Variants in SIX5 observed in about 807,000 individuals in gnomAD.
SIX5 encodes SIX homeobox 5, also known as homeobox protein SIX5.
Under a neutral mutation model 37.1 loss-of-function variants are expected in SIX5, and 21 were observed. That is an observed-to-expected ratio of 0.57 (90% confidence interval 0.40 to 0.81). The LOEUF is 0.81. Among genes scored for constraint, SIX5 ranks in the 40% least tolerant of loss-of-function variants. The pLI is 0.00. For synonymous variants in SIX5, 626 were observed against 505.9 expected, an observed-to-expected ratio of 1.24 and a Z score of -3.19; for missense variants, 1,137 against 1,025.1, an observed-to-expected ratio of 1.11 and a Z score of -1.49.
chr19:45,767,789 C>T (rs1385172256), intron 1 of SIX5: 2 of 569,882 alleles, frequency 3.5e-6, no homozygotes, highest in Non-Finnish European at 6.2e-6. Flanking sequence ...TTCCCCAACA[C>T]CGATGGGATT....
At chr19:45,766,144 A>G in intron 2 of SIX5, 33 bp from the exon 3 acceptor site, 1 of 1,600,190 alleles carries the variant, frequency 6.2e-7, no homozygotes, top group Non-Finnish European at 8.5e-7. Context: ...CGCAGGTGAG[A>G]GCCAGGAGAG....
Position 45,768,648 on chromosome 19 carries a change from G to C in SIX5, c.197C>G (p.Ser66Cys). The change falls in exon 1 of 3, where the codon TCC becomes TGC. Residue 66 changes from serine (S) to cysteine (C), a missense_variant. By Grantham distance (112) the Ser-to-Cys change is moderately radical. This residue lies in a region of SIX5 where 331 missense variants were observed against 360.9 expected (regional missense o/e 0.92). Transcript: ENST00000317578. ...AAAAGAEGPG[S>C]PGVPGSPPEA... Reference sequence around the variant, plus strand: ...GGGGGGCGACCCGGGGACGCCCGGGGATCCCGGGCCCTCAGCTCCCGCAGC... The same window carrying C: ...GGGGGGCGACCCGGGGACGCCCGGGCATCCCGGGCCCTCAGCTCCCGCAGC... 1 of 1,274,534 alleles carries C rather than the reference G, an allele frequency of 7.8e-7. No individual in the cohort carries two copies. The highest frequency in any genetic ancestry group is 9.8e-7 in the Non-Finnish European group (1 of 1,019,786). 79.0% of individuals were successfully genotyped at this position (1,274,534 alleles called of 1,614,324 possible). A position where few individuals can be genotyped will look rare whatever the true frequency, so the allele number is the denominator to read the frequency against.
chr19:45,765,408 C>T lies in SIX5; in HGVS notation c.*93G>A, dbSNP rs1404406763. On this transcript the variant is annotated 3_prime_UTR_variant, in exon 3 of 3. Coordinates refer to ENST00000317578, the MANE Select transcript of SIX5 (RefSeq NM_175875.5). Reference sequence around the variant, plus strand: ...GGCAGAAGGATGTGGTGACTGGGGTCTTCAGCAACCGCATTTCTGGGGCTC... The same window carrying T: ...GGCAGAAGGATGTGGTGACTGGGGTTTTCAGCAACCGCATTTCTGGGGCTC... 1.3e-6 allele frequency: 2 copies of T among 1,584,734 alleles called. No individual in the cohort carries two copies. Among genetic ancestry groups the T allele is most frequent in the East Asian group, 2.2e-5 (1 of 44,758 alleles).
rs1379164907 is a variant in SIX5, at chr19:45,768,192, G to A, written c.653C>T (p.Ala218Val). 5 of 1,613,150 alleles carry A rather than the reference G, an allele frequency of 3.1e-6. No homozygotes were observed. The highest frequency in any genetic ancestry group is 3.4e-6 in the Non-Finnish European group (4 of 1,179,804). ...GGGGTAGCGGTTGCCGCGGTAGCAG[G>A]CCTTGAGCGCTGCGCGGGAGCGCTC... ...FKERSRAALKACYRGNRYPTP... is the reference protein window; with the variant it reads ...FKERSRAALKVCYRGNRYPTP... Residue 218 changes from alanine to valine, a missense_variant, in exon 1 of 3, where the codon GCC (alanine) becomes GTC (valine). Physicochemically the swap from Ala to Val is moderately conservative, Grantham distance 64 (BLOSUM62 0). This residue lies in a region of SIX5 where 331 missense variants were observed against 360.9 expected (regional missense o/e 0.92). Coordinates refer to ENST00000317578, the MANE Select transcript of SIX5 (RefSeq NM_175875.5).
At position 45,765,467 on chromosome 19, in the gene SIX5, C is replaced by T; in HGVS notation, c.*34G>A. 1 of 1,612,846 alleles carries T rather than the reference C, an allele frequency of 6.2e-7. No homozygotes were observed. The highest frequency in any genetic ancestry group is 8.5e-7 in the Non-Finnish European group (1 of 1,179,992). On this transcript the variant is annotated 3_prime_UTR_variant, in exon 3 of 3. Coordinates refer to ENST00000317578, the MANE Select transcript of SIX5 (RefSeq NM_175875.5). ...CATTCCTGTCCCTGCGTCTTCAGCA[C>T]CAATGTCGGGAGAGGCCACGGGGCC...
At position 45,768,808 on chromosome 19, in the gene SIX5, C is replaced by G. The variant is rs1324622952; in HGVS notation, c.37G>C (p.Ala13Pro). ...TLPAEPSAGP[A>P]AGGEAVAAAA... ...GCCGCCACCGCCTCCCCCCCAGCCG[C>G]CGGCCCCGCGCTCGGCTCCGCAGGC... The change falls in exon 1 of 3, where the codon GCG becomes CCG. Residue 13 changes from alanine to proline, a missense_variant. Coordinates refer to ENST00000317578, the MANE Select transcript of SIX5 (RefSeq NM_175875.5). 1 of 1,528,934 alleles carries G rather than the reference C, an allele frequency of 6.5e-7. No individual in the cohort carries two copies. Among genetic ancestry groups the G allele is most frequent in the South Asian group, 1.2e-5 (1 of 83,290 alleles). 94.7% of individuals were successfully genotyped at this position (1,528,934 alleles called of 1,614,324 possible). A position where few individuals can be genotyped will look rare whatever the true frequency, so the allele number is the denominator to read the frequency against.
chr19:45,768,634 CG>C lies in SIX5; in HGVS notation c.210del (p.Ser72ArgfsTer36). On this transcript the variant is annotated frameshift_variant, in exon 1 of 3. Transcript: ENST00000317578. LOFTEE classifies it high-confidence loss of function. ...TCGGAAGCGGCCTCGGGGGGCGACC[CG>C]GGGACGCCCGGGGATCCCGGGCCCT... ...GAEGPGSPGV[P>X]GSPPEAASEP... The C allele has an allele frequency of 7.9e-7, 1 of 1,269,606 alleles. No individual in the cohort carries two copies. Among genetic ancestry groups the C allele is most frequent in the Non-Finnish European group, 9.8e-7 (1 of 1,015,854 alleles). The allele number at this position is 1,269,606 out of a possible 1,614,324, so 78.6% of individuals were successfully genotyped here.
intron 2 of SIX5, 58 bp from the exon 3 acceptor site, chr19:45,766,169 G>T (rs1372644034): frequency 1.3e-6 from 2 of 1,576,464 alleles, no homozygotes; most frequent in Non-Finnish European, 1.7e-6. Context: ...CCAAGCCAGA[G>T]AGAAGTGGAG....
rs961723919 is a variant in SIX5, at chr19:45,766,861, A to T, written c.1098T>A (p.Gly366=). Reference sequence around the variant, plus strand: ...GAGGGCTGGGCTGCGGTGGAGGGGCACCCCCGCCCCCAGTGAGCAGCAGCG... The same window carrying T: ...GAGGGCTGGGCTGCGGTGGAGGGGCTCCCCCGCCCCCAGTGAGCAGCAGCG... ...LGPLLLTGGG[G]APPPQPSPQG... Residue 366 remains glycine, a synonymous_variant, in exon 2 of 3, where the codon GGT becomes GGA. Transcript: ENST00000317578. 3 of 1,541,836 alleles carry T rather than the reference A, an allele frequency of 1.9e-6. No homozygotes were observed. The highest frequency in any genetic ancestry group is 2.6e-6 in the Non-Finnish European group (3 of 1,146,314).
At position 45,766,633 on chromosome 19, in the gene SIX5, CG is replaced by C; in HGVS notation, c.1325del (p.Pro442ArgfsTer25). 2 of 1,475,040 alleles carry C rather than the reference CG, an allele frequency of 1.4e-6. No homozygotes were observed. The highest frequency in any genetic ancestry group is 9.0e-7 in the Non-Finnish European group (1 of 1,110,646). 91.4% of individuals were successfully genotyped at this position (1,475,040 alleles called of 1,614,324 possible). On this transcript the variant is annotated frameshift_variant, in exon 2 of 3. Coordinates refer to ENST00000317578, the MANE Select transcript of SIX5 (RefSeq NM_175875.5). LOFTEE classifies it high-confidence loss of function. The stretch of plus-strand genomic sequence containing the variant: ...GGGCAGCCACAGCAGGCACTGGCCC[CG>C]GGGGCAGAGGAAAGGTGGCAGCCGT... ...PPTAATFPLP[P>X]GPVPAVAAPQ...
Position 45,768,201 on chromosome 19 carries a change from G to A in SIX5, c.644C>T (p.Ala215Val), listed in dbSNP as rs1390446783. ...VYCFKERSRA[A>V]LKACYRGNRY... The stretch of plus-strand genomic sequence containing the variant: ...GTTGCCGCGGTAGCAGGCCTTGAGC[G>A]CTGCGCGGGAGCGCTCCTTGAAGCA... The change falls in exon 1 of 3, where the codon GCG (alanine) becomes GTG (valine). Residue 215 changes from alanine to valine, a missense_variant. Physicochemically the swap from Ala to Val is moderately conservative, Grantham distance 64 (BLOSUM62 0). This residue lies in a region of SIX5 where 331 missense variants were observed against 360.9 expected (regional missense o/e 0.92). Transcript: ENST00000317578. 1 of 1,613,068 alleles carries A rather than the reference G, an allele frequency of 6.2e-7. No homozygotes were observed. Among genetic ancestry groups the A allele is most frequent in the African/African-American group, 1.3e-5 (1 of 74,936 alleles).
intron 1 of SIX5, 115 bp downstream of exon 1, chr19:45,767,927 C>T (rs1461412205): frequency 1.8e-6 from 2 of 1,138,288 alleles, no homozygotes; most frequent in Admixed American, 2.5e-5. Flanking sequence ...GAGCTGGTCC[C>T]GGGAGATGTC....
Position 45,766,020 on chromosome 19 carries a change from G to A in SIX5, c.1701C>T (p.Phe567=), listed in dbSNP as rs1034945762. 3.1e-6 allele frequency: 5 copies of A among 1,610,574 alleles called. No individual in the cohort carries two copies. Among genetic ancestry groups the A allele is most frequent in the African/African-American group, 1.3e-5 (1 of 74,996 alleles). Residue 567 remains phenylalanine (F), a synonymous_variant, in exon 3 of 3, where the codon TTC becomes TTT. Transcript: ENST00000317578. The part of the protein sequence containing the change: ...QQGKIILTAT[F]PTSMLVSQVL... ...CCTGGGAGACGAGCATGCTGGTGGG[G>A]AAGGTGGCGGTGAGGATGATCTTGC... is the stretch of plus-strand genomic sequence containing the variant.
chr19:45,768,238 C>T lies in SIX5; in HGVS notation c.607G>A (p.Glu203Lys), dbSNP rs1028837893. 3 of 1,613,098 alleles carry T rather than the reference C, an allele frequency of 1.9e-6. No individual in the cohort carries two copies. The highest frequency in any genetic ancestry group is 1.1e-5 in the South Asian group (1 of 90,984). Residue 203 changes from glutamate (E) to lysine (K), a missense_variant, in exon 1 of 3, where the codon GAG becomes AAG. By Grantham distance (56) the Glu-to-Lys change is moderately conservative. This residue lies in a region of SIX5 where 331 missense variants were observed against 360.9 expected (regional missense o/e 0.92). Transcript: ENST00000317578. ...PLPKTIWDGE[E>K]TVYCFKERSR... ...CGCTCCTTGAAGCAGTAGACTGTCT[C>T]CTCGCCGTCCCAGATGGTCTTGGGC...
rs544694134 is a variant in SIX5 at position 45,765,340 on chromosome 19, G to C, written c.*161C>G. The C allele has an allele frequency of 3.3e-3, 3,274 of 994,828 alleles. 18 individuals are homozygous for C. Among genetic ancestry groups the C allele is most frequent in the Non-Finnish European group, 3.5e-3 (2,222 of 637,008 alleles). The allele number at this position is 994,828 out of a possible 1,614,324, so 61.6% of individuals were successfully genotyped here. A position where few individuals can be genotyped will look rare whatever the true frequency, so the allele number is the denominator to read the frequency against. On this transcript the variant is annotated 3_prime_UTR_variant, in exon 3 of 3. Coordinates refer to ENST00000317578, the MANE Select transcript of SIX5 (RefSeq NM_175875.5). ...GGAGACCTGGACAGGAGGTGGCCGGGGATACAACCCCCAGCACCACCAGGG... is the reference window on the plus strand; with the variant it reads ...GGAGACCTGGACAGGAGGTGGCCGGCGATACAACCCCCAGCACCACCAGGG...
Position 45,768,783 on chromosome 19 carries a change from G to GCCGCCA in SIX5, c.56_61dup (p.Val19_Ala20dup), listed in dbSNP as rs1232425414. ...CTCCTCCTCTTCGGTCGCCGCCGCC[G>GCCGCCA]CCGCCACCGCCTCCCCCCCAGCCGC... On this transcript the variant is annotated inframe_insertion, in exon 1 of 3. Coordinates refer to ENST00000317578, the MANE Select transcript of SIX5 (RefSeq NM_175875.5). 1.0e-5 allele frequency: 16 copies of GCCGCCA among 1,527,880 alleles called. No individual in the cohort carries two copies. The highest frequency in any genetic ancestry group is 5.5e-5 in the African/African-American group (4 of 72,622). 94.6% of individuals were successfully genotyped at this position (1,527,880 alleles called of 1,614,324 possible).
chr19:45,767,930 G>A lies in SIX5; in HGVS notation c.803+112C>T. The A allele has an allele frequency of 5.2e-6, 6 of 1,149,970 alleles. No individual in the cohort carries two copies. In the South Asian group the frequency reaches 6.0e-5, roughly 12 times the overall value. 71.2% of individuals were successfully genotyped at this position (1,149,970 alleles called of 1,614,324 possible). On this transcript the variant is annotated intron_variant, in intron 1 of 2. Coordinates refer to ENST00000317578, the MANE Select transcript of SIX5 (RefSeq NM_175875.5). ...GCCTGAGATTGTGAGCTGGTCCCGG[G>A]AGATGTCCGAGGACCTCGGCGCGCC...
At position 45,766,816 on chromosome 19, in the gene SIX5, C is replaced by T. The variant is rs1244103442; in HGVS notation, c.1143G>A (p.Lys381=). The change falls in exon 2 of 3, where the codon AAG becomes AAA. Residue 381 remains lysine (K), a synonymous_variant. Transcript: ENST00000317578. ...TCTGAGGGTCCAGGACCAGAGAGGT[C>T]TTGGTCTCGCTGGCCCCCTGAGGGC... ...QPSPQGASET[K]TSLVLDPQTG... 6.4e-7 allele frequency: 1 copy of T among 1,556,528 alleles called. No individual in the cohort carries two copies. The highest frequency in any genetic ancestry group is 8.7e-7 in the Non-Finnish European group (1 of 1,154,062).
In SIX5 at chr19:45,765,731, C is replaced by T. The variant is rs778759400; in HGVS notation, c.1990G>A (p.Val664Ile). ...GLMLSPAAVP[V>I]WSAGLELSAG... Reference sequence around the variant, plus strand: ...CTTAGTTCCAGCCCTGCTGACCAGACAGGCACGGCCGCGGGTGACAACATC... The same window carrying T: ...CTTAGTTCCAGCCCTGCTGACCAGATAGGCACGGCCGCGGGTGACAACATC... Residue 664 changes from valine (V) to isoleucine (I), a missense_variant, in exon 3 of 3, where the codon GTC (valine) becomes ATC (isoleucine). By Grantham distance (29) the Val-to-Ile change is conservative. Coordinates refer to ENST00000317578, the MANE Select transcript of SIX5 (RefSeq NM_175875.5). The T allele has an allele frequency of 1.2e-6, 2 of 1,612,384 alleles. No homozygotes were observed. Among genetic ancestry groups the T allele is most frequent in the Non-Finnish European group, 1.7e-6 (2 of 1,179,976 alleles).
Sources: allele counts gnomAD v4.1 joint callset, GRCh38; gene constraint gnomAD v4.1.1; regional missense constraint gnomAD v4.1.1; transcripts MANE v1.5; gene names NCBI Gene and HGNC (gene_info 2026-07-23, HGNC 2026-07-21).